FSHR: variants seen among roughly 807,000 people sequenced by gnomAD.
FSHR encodes follicle stimulating hormone receptor.
FSHR carries 46 observed loss-of-function variants against 52.1 expected under a neutral mutation model. The ratio of observed to expected loss-of-function variants is 0.88; its 90% CI spans 0.70 to 1.13. The LOEUF (loss-of-function observed/expected upper bound fraction) is 1.13. Among genes scored for constraint, FSHR ranks in the 50% most tolerant of loss-of-function variants. The pLI is 0.00. For missense variants in FSHR, 964 were observed against 834.6 expected (o/e 1.16, Z -1.91); for synonymous variants, 399 against 309.6 (o/e 1.29, Z -3.03).
chr2:48,991,907 A>G (rs907420569), intron 4 of FSHR, among the ~76,000 whole-genome samples: 4 of 151,946 alleles, frequency 2.6e-5, no homozygotes, highest in Admixed American at 2.0e-4. Flanking sequence ...GTGAAGGACC[A>G]TATGTCCTTT....
chr2:48,973,064 G>T (rs1674814241), intron 8 of FSHR, among the ~76,000 whole-genome samples: 1 of 152,170 alleles, frequency 6.6e-6, no homozygotes, highest in South Asian at 2.1e-4. Context: ...GAATATGATA[G>T]AAATGTTGCT....
intron 2 of FSHR, among the ~76,000 whole-genome samples, chr2:49,043,883 T>A (rs943847370): frequency 6.6e-6 from 1 of 152,122 alleles, no homozygotes; most frequent in Admixed American, 6.6e-5. Flanking sequence ...CAGAACACTT[T>A]CCCCTCTCTT....
intron 1 of FSHR, among the ~76,000 whole-genome samples, chr2:49,151,629 C>A (rs143114408): frequency 6.6e-6 from 1 of 152,184 alleles, no homozygotes; most frequent in Non-Finnish European, 1.5e-5. Context: ...GCCTGAGTAA[C>A]AATGAAGCTT....
At chr2:49,107,553 T>C (rs1368570229) in intron 1 of FSHR, among the ~76,000 whole-genome samples, 1 of 152,164 alleles carries the variant, frequency 6.6e-6, no homozygotes, top group Non-Finnish European at 1.5e-5. Context: ...CCATCTATGA[T>C]GGTAAAGAGA....
At chr2:49,136,190 A>G (rs1672482011) in intron 1 of FSHR, among the ~76,000 whole-genome samples, 1 of 152,146 alleles carries the variant, frequency 6.6e-6, no homozygotes, top group Non-Finnish European at 1.5e-5. Context: ...TGGTATTACT[A>G]CTCACCTTAA....
intron 1 of FSHR, among the ~76,000 whole-genome samples, chr2:49,104,727 A>G (rs1025974328): frequency 1.3e-5 from 2 of 152,052 alleles, no homozygotes; most frequent in Admixed American, 6.6e-5. Flanking sequence ...GTTCTTCTCT[A>G]TCTCTGATTG....
intron 8 of FSHR, among the ~76,000 whole-genome samples, chr2:48,975,837 T>G (rs755221405): frequency 4.6e-5 from 7 of 152,234 alleles, no homozygotes; most frequent in Non-Finnish European, 1.0e-4. Flanking sequence ...ACATTGATTT[T>G]GTATCCTGAG....
intron 2 of FSHR, among the ~76,000 whole-genome samples, chr2:49,044,494 C>A (rs142592203): frequency 6.6e-6 from 1 of 152,112 alleles, no homozygotes; most frequent in Non-Finnish European, 1.5e-5. Context: ...CAATCTCAGT[C>A]CAGTGATTAG....
intron 1 of FSHR, among the ~76,000 whole-genome samples, chr2:49,133,374 GCTACAAACCACTTAA>G (rs1231665567): frequency 6.6e-6 from 1 of 151,924 alleles, no homozygotes; most frequent in Non-Finnish European, 1.5e-5. Context: ...AAGATCTCAA[GCTACAAACCACTTAA>G]CTACAAACCA....
chr2:49,031,816 AT>A (rs1163105023), intron 2 of FSHR, among the ~76,000 whole-genome samples: 3 of 152,354 alleles, frequency 2.0e-5, no homozygotes, highest in East Asian at 3.9e-4. Context: ...ATTTACTTCT[AT>A]AAAACTTTGT....
intron 1 of FSHR, among the ~76,000 whole-genome samples, chr2:49,138,029 A>G (rs1003459309): frequency 3.3e-5 from 5 of 152,158 alleles, no homozygotes; most frequent in African/African-American, 1.2e-4. Context: ...TGGGACAAAA[A>G]TATTTGTAAA....
Position 49,085,592 on chromosome 2 carries a change from G to C in FSHR, c.153-17302C>G, listed in dbSNP as rs926043071. ...GGATCTAGAACTAGAAATACCATTT[G>C]ACCCAGCCATCCCATTACTGGGTAT... is the stretch of plus-strand genomic sequence containing the variant. On this transcript the variant is annotated intron_variant, in intron 1 of 9. Coordinates refer to ENST00000406846, the MANE Select transcript of FSHR (RefSeq NM_000145.4). Among the ~76,000 whole-genome samples the C allele has an allele frequency of 2.6e-5, 4 of 152,136 alleles. No individual in the cohort carries two copies. In the South Asian group the frequency reaches 8.3e-4, roughly 31 times the overall value.
At chr2:49,021,218 A>G (rs2104223263) in intron 2 of FSHR, among the ~76,000 whole-genome samples, 1 of 152,352 alleles carries the variant, frequency 6.6e-6, no homozygotes, top group South Asian at 2.1e-4. Flanking sequence ...GAATACACAG[A>G]AAAGATTCCT....
intron 2 of FSHR, among the ~76,000 whole-genome samples, chr2:49,035,948 C>T (rs1668257042): frequency 6.6e-6 from 1 of 152,218 alleles, no homozygotes; most frequent in African/African-American, 2.4e-5. Flanking sequence ...AGGTCAACAT[C>T]ATTAGCAAGT....
At chr2:48,990,449 C>T (rs1158745396) in intron 5 of FSHR, 117 bp downstream of exon 5, 1 of 789,288 alleles carries the variant, frequency 1.3e-6, no homozygotes, top group East Asian at 2.4e-5. Context: ...CTTTGCTAAC[C>T]CAGAGCAATA....
chr2:49,113,550 C>G (rs1032378868), intron 1 of FSHR, among the ~76,000 whole-genome samples: 4 of 152,086 alleles, frequency 2.6e-5, no homozygotes, highest in African/African-American at 9.7e-5. Context: ...AAAAACCATT[C>G]AAATCTTTTT....
At chr2:49,091,099 A>C (rs1187798117) in intron 1 of FSHR, among the ~76,000 whole-genome samples, 1 of 151,696 alleles carries the variant, frequency 6.6e-6, no homozygotes, top group Non-Finnish European at 1.5e-5. Context: ...TACATAGAAC[A>C]AAAGTTTTAC....
intron 4 of FSHR, 42 bp from the exon 5 acceptor site, chr2:48,990,679 C>G: frequency 8.5e-7 from 1 of 1,174,592 alleles, no homozygotes; most frequent in Non-Finnish European, 1.3e-6. Flanking sequence ...ATGAAACTGG[C>G]TGTTTAAACA....
At chr2:49,119,103 C>G (rs975419308) in intron 1 of FSHR, among the ~76,000 whole-genome samples, 2 of 152,146 alleles carry the variant, frequency 1.3e-5, no homozygotes, top group Admixed American at 1.3e-4. Flanking sequence ...TAGGATAAGA[C>G]TACTTATGGA....
Sources: allele counts gnomAD v4.1 joint callset (sites outside exome capture counted in the v4.1 genomes callset), GRCh38; gene constraint gnomAD v4.1.1; transcripts MANE v1.5; gene names NCBI Gene and HGNC (gene_info 2026-07-23, HGNC 2026-07-21).